Variants in CLDN7 observed in about 807,000 individuals in gnomAD.
CLDN7 encodes claudin 7, also known as claudin-7.
Under a neutral mutation model 20.3 loss-of-function variants are expected in CLDN7, and 15 were observed. The observed-to-expected ratio is 0.74, with a 90% CI of 0.49 to 1.14. The LOEUF (loss-of-function observed/expected upper bound fraction) is 1.14, where lower values mean the gene tolerates loss of function less well. CLDN7 is among the 50% of genes most tolerant of loss of function. The probability of loss-of-function intolerance (pLI) is 0.00; values close to 1 mark genes in which losing one functional copy is unlikely to be tolerated. For synonymous variants in CLDN7, 117 were observed against 106.1 expected, an observed-to-expected ratio of 1.10 and a Z score of -0.63; for missense variants, 261 against 274.2, an observed-to-expected ratio of 0.95 and a Z score of 0.34.
At position 7,262,140 on chromosome 17, in the gene CLDN7, TGGA is replaced by T. The variant is rs977368556; in HGVS notation, c.-100_-98del. The T allele has an allele frequency of 4.7e-6, 7 of 1,487,960 alleles. No homozygotes were observed. Among genetic ancestry groups the T allele is most frequent in the Middle Eastern group, 2.4e-4 (1 of 4,216 alleles). 92.2% of individuals were successfully genotyped at this position (1,487,960 alleles called of 1,614,324 possible). A position where few individuals can be genotyped will look rare whatever the true frequency, so the allele number is the denominator to read the frequency against. On this transcript the variant is annotated 5_prime_UTR_variant, in exon 1 of 4. Coordinates refer to ENST00000360325, the MANE Select transcript of CLDN7 (RefSeq NM_001307.6). The surrounding 1 kb of genome is among the most constrained non-coding windows in gnomAD (Gnocchi z 6.6). ...CAGCCCCACAAAAGAAAACTTGAGG[TGGA>T]GTTTTCCGGTCACCCAAAGAGACAA...
At chr17:7,261,092 C>G in intron 1 of CLDN7, 107 bp from the exon 2 acceptor site, 4 of 1,430,752 alleles carry the variant, frequency 2.8e-6, no homozygotes, top group African/African-American at 1.4e-5. Context: ...TGTCCGGCGC[C>G]GTGTTCTGCC....
Position 7,260,959 on chromosome 17 carries a change from T to A in CLDN7, c.250A>T (p.Met84Leu). Residue 84 changes from methionine (M) to leucine (L), a missense_variant, in exon 2 of 4, where the codon ATG (methionine) becomes TTG (leucine). Around this residue, in one of 2 missense-constraint regions of CLDN7, gnomAD observed 215 missense variants for 199.6 expected, o/e 1.08. Transcript: ENST00000360325. ...SAALQATRAL[M>L]VVSLVLGFLA... is the part of the protein sequence containing the mutation. ...AAGCCCAGCACCAGGGAGACCACCA[T>A]TAGGGCTCGAGTGGCCTGCAAGGCC... 6.2e-7 allele frequency: 1 copy of A among 1,613,118 alleles called. No homozygotes were observed. Among genetic ancestry groups the A allele is most frequent in the Non-Finnish European group, 8.5e-7 (1 of 1,179,936 alleles).
At position 7,262,166 on chromosome 17, in the gene CLDN7, C is replaced by A; in HGVS notation, c.-123G>T. On this transcript the variant is annotated 5_prime_UTR_variant, in exon 1 of 4. Coordinates refer to ENST00000360325, the MANE Select transcript of CLDN7 (RefSeq NM_001307.6). This position sits in a 1 kb window ranked among gnomAD's most constrained non-coding sequence, Gnocchi z 6.6. Reference sequence around the variant, plus strand: ...GGAGTTTTCCGGTCACCCAAAGAGACAAAAAGGGTTTGGGCCAGGTGAATG... The same window carrying A: ...GGAGTTTTCCGGTCACCCAAAGAGAAAAAAAGGGTTTGGGCCAGGTGAATG... 4 of 1,460,010 alleles carry A rather than the reference C, an allele frequency of 2.7e-6. No homozygotes were observed. The highest frequency in any genetic ancestry group is 2.6e-5 in the Admixed American group (1 of 37,814). The allele number at this position is 1,460,010 out of a possible 1,614,324, so 90.4% of individuals were successfully genotyped here. A position where few individuals can be genotyped will look rare whatever the true frequency, so the allele number is the denominator to read the frequency against.
In CLDN7 at chr17:7,260,137, G is replaced by T; in HGVS notation, c.*237C>A. On this transcript the variant is annotated 3_prime_UTR_variant, in exon 4 of 4. Transcript: ENST00000360325. ...AGAGGCCCTGAAGGGAAAAAAGCCT[G>T]CTTCCCAATACTTATTTTTTATTAC... The T allele has an allele frequency of 2.4e-6, 1 of 414,488 alleles. No homozygotes were observed. Among genetic ancestry groups the T allele is most frequent in the Non-Finnish European group, 4.3e-6 (1 of 234,228 alleles). 25.7% of individuals were successfully genotyped at this position (414,488 alleles called of 1,614,324 possible).
chr17:7,260,228 C>A lies in CLDN7; in HGVS notation c.*146G>T. Reference sequence around the variant, plus strand: ...CAACGGCACCCCCCCACCCCCAACCCAAGAGGACTATACATGGAGTGCAGG... The same window carrying A: ...CAACGGCACCCCCCCACCCCCAACCAAAGAGGACTATACATGGAGTGCAGG... On this transcript the variant is annotated 3_prime_UTR_variant, in exon 4 of 4. Coordinates refer to ENST00000360325, the MANE Select transcript of CLDN7 (RefSeq NM_001307.6). 1 of 730,654 alleles carries A rather than the reference C, an allele frequency of 1.4e-6. No homozygotes were observed. The highest frequency in any genetic ancestry group is 3.3e-5 in the East Asian group (1 of 30,588). 45.3% of individuals were successfully genotyped at this position (730,654 alleles called of 1,614,324 possible). A position where few individuals can be genotyped will look rare whatever the true frequency, so the allele number is the denominator to read the frequency against.
chr17:7,260,563 AC>A, intron 3 of CLDN7, 27 bp from the exon 4 acceptor site: 1 of 1,611,722 alleles, frequency 6.2e-7, no homozygotes, highest in Non-Finnish European at 8.5e-7. Flanking sequence ...GTGGTTAGAA[AC>A]CCTGGCGTGC....
chr17:7,262,278 G>T lies in CLDN7; in HGVS notation c.-235C>A, dbSNP rs2072238850. 1.4e-6 allele frequency: 2 copies of T among 1,395,212 alleles called. No individual in the cohort carries two copies. The highest frequency in any genetic ancestry group is 2.7e-5 in the East Asian group (1 of 37,014). 86.4% of individuals were successfully genotyped at this position (1,395,212 alleles called of 1,614,324 possible). A position where few individuals can be genotyped will look rare whatever the true frequency, so the allele number is the denominator to read the frequency against. ...ACAGGGAGTAGGATACGCCGGGAGG[G>T]TGGTTCCAGACAAAATTGGTGGTCC... is the stretch of plus-strand genomic sequence containing the variant. On this transcript the variant is annotated 5_prime_UTR_variant, in exon 1 of 4. Transcript: ENST00000360325. The surrounding 1 kb of genome is among the most constrained non-coding windows in gnomAD (Gnocchi z 6.6).
At chr17:7,261,148 A>G (rs2072207839) in intron 1 of CLDN7, 163 bp from the exon 2 acceptor site, 1 of 943,684 alleles carries the variant, frequency 1.1e-6, no homozygotes, top group Non-Finnish European at 1.5e-6. Context: ...CCAAGCGGGC[A>G]GGTCCCCGCC....
At chr17:7,262,484 G>T, upstream of CLDN7, 1 of 908,156 alleles carries the variant, frequency 1.1e-6, no homozygotes, top group Non-Finnish European at 1.3e-6. This position sits in a 1 kb window ranked among gnomAD's most constrained non-coding sequence, Gnocchi z 6.6. Flanking sequence ...CGGGCGGACA[G>T]GTGGGGCGCA....
At chr17:7,261,677 CCGCCG>C in intron 1 of CLDN7, 139 bp downstream of exon 1, 1 of 672,724 alleles carries the variant, frequency 1.5e-6, no homozygotes. Context: ...CCGCCCAGCC[CCGCCG>C]CCCCCAGCCG....
At position 7,261,120 on chromosome 17, in the gene CLDN7, A is replaced by G. The variant is rs952595706; in HGVS notation, c.224-135T>C. ...GTTCTGCCGAGGGCCAGGGGCGCCC[A>G]GGTGTCCAAGACCTGGGCCAAGCGG... On this transcript the variant is annotated intron_variant, in intron 1 of 3. Transcript: ENST00000360325. The G allele has an allele frequency of 5.2e-5, 65 of 1,250,362 alleles. No individual in the cohort carries two copies. The Admixed American group carries it at 1.7e-3, about 32-fold the overall frequency. 77.5% of individuals were successfully genotyped at this position (1,250,362 alleles called of 1,614,324 possible). A position where few individuals can be genotyped will look rare whatever the true frequency, so the allele number is the denominator to read the frequency against.
Position 7,260,170 on chromosome 17 carries a change from A to G in CLDN7, c.*204T>C. 2.0e-6 allele frequency: 1 copy of G among 506,462 alleles called. No homozygotes were observed. The highest frequency in any genetic ancestry group is 3.2e-5 in the South Asian group (1 of 30,954). 31.4% of individuals were successfully genotyped at this position (506,462 alleles called of 1,614,324 possible). ...ATACTTATTTTTTATTACTGTACAA[A>G]AAGCACACTCTCCCTCTTTTTGTCT... On this transcript the variant is annotated 3_prime_UTR_variant, in exon 4 of 4. Transcript: ENST00000360325.
Position 7,260,429 on chromosome 17 carries a change from C to T in CLDN7, c.581G>A (p.Gly194Glu). The T allele has an allele frequency of 6.2e-7, 1 of 1,613,962 alleles. No homozygotes were observed. The highest frequency in any genetic ancestry group is 8.5e-7 in the Non-Finnish European group (1 of 1,179,942). ...AGGGTAAGAGCGGGGTACACGGTAC[C>T]CAGCCTTGCTCTCATTCCCAGGACA... Reference protein sequence around the residue: ...CSCPGNESKAGYRVPRSYPKS... With the variant: ...CSCPGNESKAEYRVPRSYPKS... Residue 194 changes from glycine (G) to glutamate (E), a missense_variant, in exon 4 of 4, where the codon GGG (glycine) becomes GAG (glutamate). This residue lies in a region of CLDN7 where 215 missense variants were observed against 199.6 expected (regional missense o/e 1.08). Coordinates refer to ENST00000360325, the MANE Select transcript of CLDN7 (RefSeq NM_001307.6).
upstream of CLDN7, chr17:7,263,118 A>T (rs1315096227): frequency 2.4e-5 from 4 of 169,324 alleles, no homozygotes; most frequent in Non-Finnish European, 5.9e-5. Context: ...ACCCAACATG[A>T]CTTACAGCCT....
Position 7,260,883 on chromosome 17 carries a change from C to A in CLDN7, c.326G>T (p.Gly109Val). ...TMGMKCTRCG[G>V]DDKVKKARIA... ...ACGGGCCTTCTTCACTTTGTCGTCT[C>A]CCCCACAGCGCGTGCACTTCATGCC... Residue 109 changes from glycine (G) to valine (V), a missense_variant, in exon 2 of 4, where the codon GGA (glycine) becomes GTA (valine). Coordinates refer to ENST00000360325, the MANE Select transcript of CLDN7 (RefSeq NM_001307.6). 1.2e-6 allele frequency: 2 copies of A among 1,614,216 alleles called. No individual in the cohort carries two copies. The highest frequency in any genetic ancestry group is 2.2e-5 in the East Asian group (1 of 44,886).
rs750960349 is a variant in CLDN7, at chr17:7,260,432, G to T, written c.578C>A (p.Ala193Asp). The change falls in exon 4 of 4, where the codon GCT (alanine) becomes GAT (aspartate). Residue 193 changes from alanine to aspartate, a missense_variant. By Grantham distance (126) the Ala-to-Asp change is moderately radical. Around this residue, in one of 2 missense-constraint regions of CLDN7, gnomAD observed 215 missense variants for 199.6 expected, o/e 1.08. Transcript: ENST00000360325. ...SCSCPGNESK[A>D]GYRVPRSYPK... ...GTAAGAGCGGGGTACACGGTACCCAGCCTTGCTCTCATTCCCAGGACAGGA... is the reference window on the plus strand; with the variant it reads ...GTAAGAGCGGGGTACACGGTACCCATCCTTGCTCTCATTCCCAGGACAGGA... 1 of 1,614,002 alleles carries T rather than the reference G, an allele frequency of 6.2e-7. No individual in the cohort carries two copies. Among genetic ancestry groups the T allele is most frequent in the East Asian group, 2.2e-5 (1 of 44,864 alleles).
At chr17:7,262,980 C>T, upstream of CLDN7, 1 of 160,308 alleles carries the variant, frequency 6.2e-6, no homozygotes. The surrounding 1 kb of genome is among the most constrained non-coding windows in gnomAD (Gnocchi z 6.6). Context: ...CCTTCGGGGG[C>T]CCTGGCTCGA....
chr17:7,260,281 G>A lies in CLDN7; in HGVS notation c.*93C>T, dbSNP rs746605493. On this transcript the variant is annotated 3_prime_UTR_variant, in exon 4 of 4. Coordinates refer to ENST00000360325, the MANE Select transcript of CLDN7 (RefSeq NM_001307.6). ...CAGAGTGACCAGGAGGCCTTTGTCC[G>A]GCACCCTGCCCACAGGCTGAGCTCA... The A allele has an allele frequency of 2.9e-5, 39 of 1,324,364 alleles. No individual in the cohort carries two copies. Among genetic ancestry groups the A allele is most frequent in the African/African-American group, 1.0e-4 (7 of 67,066 alleles). 82.0% of individuals were successfully genotyped at this position (1,324,364 alleles called of 1,614,324 possible). A position where few individuals can be genotyped will look rare whatever the true frequency, so the allele number is the denominator to read the frequency against.
intron 1 of CLDN7, 122 bp downstream of exon 1, chr17:7,261,697 CTT>C: frequency 3.3e-6 from 3 of 917,550 alleles, no homozygotes; most frequent in Non-Finnish European, 4.7e-6. Flanking sequence ...CAGCCGACCA[CTT>C]CCTCGCCCTG....
Sources: gnomAD v4.1 joint callset for allele counts on GRCh38, gnomAD v4.1.1 for gene constraint, gnomAD v4.1.1 regional missense constraint, Gnocchi (gnomAD v3.1) non-coding constraint, MANE v1.5 for transcripts, NCBI Gene and HGNC (gene_info 2026-07-23, HGNC 2026-07-21) for gene names.